CELF4: variants seen among roughly 807,000 people sequenced by gnomAD.
CELF4 encodes the protein CUG-BP- and ETR-3-like factor 4.
CELF4 carries 18 observed loss-of-function variants against 59.9 expected under a neutral mutation model. The ratio of observed to expected loss-of-function variants is 0.30; its 90% CI spans 0.21 to 0.45. The LOEUF (loss-of-function observed/expected upper bound fraction) is 0.45. Among genes scored for constraint, CELF4 ranks in the 20% least tolerant of loss-of-function variants. CELF4 has a pLI of 1.00. For synonymous variants in CELF4, 261 were observed against 267.1 expected (o/e 0.98, Z 0.22); for missense variants, 456 against 689.0 (o/e 0.66, Z 3.79).
At chr18:37,458,653 G>A (rs560871538) in intron 2 of CELF4, among the ~76,000 whole-genome samples, 6 of 152,260 alleles carry the variant, frequency 3.9e-5, no homozygotes, top group South Asian at 4.1e-4. Flanking sequence ...TGAAGGGCTC[G>A]TCACTGGCTT....
intron 1 of CELF4, among the ~76,000 whole-genome samples, chr18:37,545,696 C>G (rs2099981056): frequency 6.6e-6 from 1 of 152,132 alleles, no homozygotes; most frequent in African/African-American, 2.4e-5. Context: ...AGGGGCCTCT[C>G]TTTTCCTGTG....
At chr18:37,359,074 G>A (rs186089639) in intron 2 of CELF4, among the ~76,000 whole-genome samples, 2 of 152,158 alleles carry the variant, frequency 1.3e-5, no homozygotes, top group Non-Finnish European at 2.9e-5. Context: ...CTCCAGCCTG[G>A]GCGACACAGC....
At chr18:37,367,989 C>T (rs2098808733) in intron 2 of CELF4, among the ~76,000 whole-genome samples, 1 of 152,004 alleles carries the variant, frequency 6.6e-6, no homozygotes. Flanking sequence ...GAGGAGGCGG[C>T]ATGGTGCGGT....
At chr18:37,388,738 A>T (rs2099126078) in intron 2 of CELF4, among the ~76,000 whole-genome samples, 1 of 152,168 alleles carries the variant, frequency 6.6e-6, no homozygotes, top group Non-Finnish European at 1.5e-5. Flanking sequence ...GGCCTCCCAG[A>T]GCCTCCACAG....
At chr18:37,407,452 T>G (rs551615306) in intron 2 of CELF4, among the ~76,000 whole-genome samples, 56 of 152,254 alleles carry the variant, frequency 3.7e-4, no homozygotes, top group African/African-American at 1.2e-3. Flanking sequence ...TCCAGTAGTG[T>G]GGCAGCTTAT....
chr18:37,490,387 A>G (rs1249542475), intron 1 of CELF4, among the ~76,000 whole-genome samples: 1 of 152,216 alleles, frequency 6.6e-6, no homozygotes, highest in South Asian at 2.1e-4. Context: ...AAAGGAAAAA[A>G]AAAATCTTTA....
intron 3 of CELF4, among the ~76,000 whole-genome samples, chr18:37,290,667 T>C (rs141905397): frequency 4.6e-5 from 7 of 152,180 alleles, no homozygotes; most frequent in African/African-American, 9.7e-5. Flanking sequence ...CCCAGACTTA[T>C]AGTTAGTAAA....
At chr18:37,354,058 G>C (rs1289236225) in intron 2 of CELF4, among the ~76,000 whole-genome samples, 2 of 151,954 alleles carry the variant, frequency 1.3e-5, no homozygotes, top group African/African-American at 4.8e-5. Context: ...CCTGGCCTGT[G>C]GGGGGACCAG....
chr18:37,426,667 GT>G (rs1206872877), intron 2 of CELF4, among the ~76,000 whole-genome samples: 1 of 152,162 alleles, frequency 6.6e-6, no homozygotes, highest in Non-Finnish European at 1.5e-5. Context: ...AGAGGGTGCG[GT>G]GCGGGAGGGC....
At chr18:37,390,749 G>A (rs2099149976) in intron 2 of CELF4, among the ~76,000 whole-genome samples, 1 of 142,736 alleles carries the variant, frequency 7.0e-6, no homozygotes, top group African/African-American at 2.5e-5. Context: ...ACCTGAAGGT[G>A]GACTACCTGC....
chr18:37,451,018 T>C (rs1217321336), intron 2 of CELF4, among the ~76,000 whole-genome samples: 1 of 152,090 alleles, frequency 6.6e-6, no homozygotes, highest in African/African-American at 2.4e-5. Context: ...GCAGCCCACA[T>C]GTTGCAGTTT....
intron 1 of CELF4, among the ~76,000 whole-genome samples, chr18:37,533,289 C>A (rs1227459206): frequency 1.3e-5 from 2 of 152,220 alleles, no homozygotes; most frequent in African/African-American, 4.8e-5. Flanking sequence ...AGAGAGGAGA[C>A]TGGATTTGCT....
chr18:37,383,010 G>A (rs933142721), intron 2 of CELF4, among the ~76,000 whole-genome samples: 2 of 138,478 alleles, frequency 1.4e-5, no homozygotes, highest in Admixed American at 7.6e-5. Context: ...TATTATGTAT[G>A]TAATAGTACA....
chr18:37,304,983 G>A (rs2096302517), intron 3 of CELF4, among the ~76,000 whole-genome samples: 1 of 152,226 alleles, frequency 6.6e-6, no homozygotes, highest in Admixed American at 6.5e-5. Context: ...ATGGCTCAGG[G>A]ATGGTGGTGG....
chr18:37,322,522 C>G (rs1172279594), intron 2 of CELF4, among the ~76,000 whole-genome samples: 3 of 152,182 alleles, frequency 2.0e-5, no homozygotes, highest in Non-Finnish European at 4.4e-5. Context: ...TGTCTGGGTG[C>G]CAGGAGGACA....
At chr18:37,380,085 A>G (rs1374180040) in intron 2 of CELF4, among the ~76,000 whole-genome samples, 2 of 152,036 alleles carry the variant, frequency 1.3e-5, no homozygotes, top group African/African-American at 4.8e-5. Context: ...TCTCCCGTCC[A>G]GTTGTCCTGT....
chr18:37,277,442 C>T (rs953007282), intron 3 of CELF4, among the ~76,000 whole-genome samples: 2 of 152,136 alleles, frequency 1.3e-5, no homozygotes, highest in Non-Finnish European at 2.9e-5. Flanking sequence ...TTACTCCAGG[C>T]TCTGGGGCAC....
At chr18:37,504,359 A>G (rs988315028) in intron 1 of CELF4, among the ~76,000 whole-genome samples, 1 of 151,350 alleles carries the variant, frequency 6.6e-6, no homozygotes, top group Non-Finnish European at 1.5e-5. Context: ...GCATGGTGGT[A>G]CGTGCCTGTA....
intron 2 of CELF4, among the ~76,000 whole-genome samples, chr18:37,326,502 T>C (rs554516590): frequency 1.3e-5 from 2 of 152,244 alleles, no homozygotes; most frequent in African/African-American, 4.8e-5. Context: ...TGATTCTCTT[T>C]CAGAGATGTC....
Sources: allele counts gnomAD v4.1 joint callset (sites outside exome capture counted in the v4.1 genomes callset), GRCh38; gene constraint gnomAD v4.1.1; transcripts MANE v1.5; gene names NCBI Gene and HGNC (gene_info 2026-07-23, HGNC 2026-07-21).